Variants in SHANK2 observed in about 807,000 individuals in gnomAD.
The protein encoded by SHANK2 is SH3 and multiple ankyrin repeat domains protein 2.
In SHANK2, 43 loss-of-function variants were observed where a neutral mutation model predicts 133.7. The ratio of observed to expected loss-of-function variants is 0.32; its 90% confidence interval spans 0.25 to 0.41. The LOEUF (loss-of-function observed/expected upper bound fraction) is 0.41. SHANK2 is among the 10% of genes least tolerant of loss of function. The pLI, the probability that SHANK2 is intolerant of heterozygous loss-of-function variation, is 1.00. For synonymous variants in SHANK2, 1,017 were observed against 952.8 expected, an observed-to-expected ratio of 1.07 and a Z score of -1.24; for missense variants, 1,994 against 2,235.8, an observed-to-expected ratio of 0.89 and a Z score of 2.18.
intron 17 of SHANK2, among the ~76,000 whole-genome samples, chr11:70,570,382 C>T (rs2060031165): frequency 6.6e-6 from 1 of 152,294 alleles, no homozygotes; most frequent in African/African-American, 2.4e-5. Flanking sequence ...CGTGGGTGCC[C>T]CTGACCCAGG....
At chr11:70,556,726 G>A (rs1285597163) in intron 17 of SHANK2, among the ~76,000 whole-genome samples, 1 of 151,766 alleles carries the variant, frequency 6.6e-6, no homozygotes, top group Non-Finnish European at 1.5e-5. Flanking sequence ...TGAGTATCTG[G>A]GATTACAGGC....
At chr11:71,199,413 A>G (rs1287313898) in intron 2 of SHANK2, among the ~76,000 whole-genome samples, 1 of 152,192 alleles carries the variant, frequency 6.6e-6, no homozygotes, top group African/African-American at 2.4e-5. Flanking sequence ...GACCGAATGA[A>G]ATGTGACCTG....
chr11:70,815,089 G>A (rs1243579820), intron 12 of SHANK2, among the ~76,000 whole-genome samples: 2 of 152,146 alleles, frequency 1.3e-5, no homozygotes, highest in African/African-American at 4.8e-5. Flanking sequence ...GGAGCTGGCT[G>A]AGCCTCACAC....
At chr11:70,908,514 A>T (rs1258943388) in intron 10 of SHANK2, among the ~76,000 whole-genome samples, 1 of 152,280 alleles carries the variant, frequency 6.6e-6, no homozygotes, top group South Asian at 2.1e-4. Flanking sequence ...TTTTGCCATG[A>T]CTGCAGCTCA....
intron 12 of SHANK2, among the ~76,000 whole-genome samples, chr11:70,817,990 C>T (rs1948434291): frequency 6.6e-6 from 1 of 152,222 alleles, no homozygotes; most frequent in South Asian, 2.1e-4. Flanking sequence ...CTGCCTTGGT[C>T]TCCCAAAGTG....
chr11:71,187,890 C>A (rs1172016094), intron 2 of SHANK2, among the ~76,000 whole-genome samples: 1 of 152,218 alleles, frequency 6.6e-6, no homozygotes, highest in African/African-American at 2.4e-5. Flanking sequence ...TTCCCTCCCA[C>A]AACGCAACGT....
intron 17 of SHANK2, among the ~76,000 whole-genome samples, chr11:70,608,623 C>T (rs1215421109): frequency 6.6e-6 from 1 of 152,214 alleles, no homozygotes; most frequent in Non-Finnish European, 1.5e-5. Context: ...CTCCTCTTGG[C>T]CGAGCCTGGG....
chr11:70,909,982 G>A (rs1020562727), intron 10 of SHANK2, among the ~76,000 whole-genome samples: 2 of 152,108 alleles, frequency 1.3e-5, no homozygotes, highest in Non-Finnish European at 2.9e-5. Flanking sequence ...GCAGGGCTAG[G>A]TCCTCCTGAG....
At chr11:70,919,014 A>G (rs1950309589) in intron 10 of SHANK2, among the ~76,000 whole-genome samples, 1 of 152,016 alleles carries the variant, frequency 6.6e-6, no homozygotes, top group Non-Finnish European at 1.5e-5. Context: ...AAAATTAAAA[A>G]TGTACCGGGT....
At chr11:70,524,059 T>A (rs560035874) in intron 17 of SHANK2, among the ~76,000 whole-genome samples, 1 of 152,306 alleles carries the variant, frequency 6.6e-6, no homozygotes, top group South Asian at 2.1e-4. Flanking sequence ...ACTGACGACA[T>A]GGCTGCCCCT....
intron 11 of SHANK2, among the ~76,000 whole-genome samples, chr11:70,822,164 G>A (rs949016094): frequency 6.6e-6 from 1 of 152,236 alleles, no homozygotes; most frequent in Admixed American, 6.5e-5. Context: ...GCTTCTCCCC[G>A]GCCCGTGATA....
chr11:70,686,953 C>A (rs1395167424), intron 15 of SHANK2, among the ~76,000 whole-genome samples: 1 of 152,230 alleles, frequency 6.6e-6, no homozygotes, highest in African/African-American at 2.4e-5. Context: ...TGTCTGGACC[C>A]CAACTAAGAG....
At chr11:70,662,155 T>A in intron 15 of SHANK2, 1 of 328,208 alleles carries the variant, frequency 3.0e-6, no homozygotes, top group South Asian at 3.1e-5. Flanking sequence ...AGAGGAGAAA[T>A]GAGGCAGCAG....
At chr11:70,834,281 G>A (rs2135407988) in intron 11 of SHANK2, among the ~76,000 whole-genome samples, 1 of 152,314 alleles carries the variant, frequency 6.6e-6, no homozygotes, top group Non-Finnish European at 1.5e-5. Flanking sequence ...AGACACAGGG[G>A]AGCACCTGAG....
intron 11 of SHANK2, among the ~76,000 whole-genome samples, chr11:70,844,922 T>C (rs1948972402): frequency 6.6e-6 from 1 of 151,992 alleles, no homozygotes; most frequent in Admixed American, 6.6e-5. Context: ...AAAATAGGGC[T>C]GGGTGCAGTG....
At chr11:70,567,317 G>C (rs2059980026) in intron 17 of SHANK2, among the ~76,000 whole-genome samples, 1 of 152,168 alleles carries the variant, frequency 6.6e-6, no homozygotes, top group South Asian at 2.1e-4. Context: ...AATCCCGGCT[G>C]ACTGGTGTCC....
chr11:71,101,796 G>A (rs571444407), intron 6 of SHANK2, among the ~76,000 whole-genome samples: 1 of 152,334 alleles, frequency 6.6e-6, no homozygotes, highest in African/African-American at 2.4e-5. Context: ...ACTGAGCGGT[G>A]CGGGAGCTGG....
In SHANK2 at chr11:71,184,846, T is replaced by C. The variant is rs1374203778; in HGVS notation, c.-12-37508A>G. Among the ~76,000 whole-genome samples, 5 of 152,190 alleles carry C rather than the reference T, an allele frequency of 3.3e-5. No homozygotes were observed. In the East Asian group the frequency reaches 9.6e-4, roughly 29 times the overall value. ...GATGAGACTGAATAAGACCAAGCTG[T>C]TGACTGGGCCTGCACTGCCCAGAGG... On this transcript the variant is annotated intron_variant, in intron 2 of 25. Coordinates refer to ENST00000601538, the MANE Select transcript of SHANK2 (RefSeq NM_012309.5).
At chr11:70,666,840 A>G (rs1944686968) in intron 15 of SHANK2, among the ~76,000 whole-genome samples, 1 of 152,168 alleles carries the variant, frequency 6.6e-6, no homozygotes, top group East Asian at 1.9e-4. Flanking sequence ...TCCATGCAAC[A>G]CAACATTGAC....
Sources: allele counts gnomAD v4.1 joint callset (sites outside exome capture counted in the v4.1 genomes callset), GRCh38; gene constraint gnomAD v4.1.1; transcripts MANE v1.5; gene names NCBI Gene and HGNC (gene_info 2026-07-23, HGNC 2026-07-21).